Variants in DRC11 observed in about 807,000 individuals in gnomAD.
DRC11 encodes IQ and AAA domain-containing protein 1.
the DRC11 span, among the ~76,000 whole-genome samples, chr2:236,471,773 G>A: frequency 1.3e-5 from 2 of 152,130 alleles, no homozygotes; most frequent in Non-Finnish European, 2.9e-5. This position sits in a 1 kb window ranked among gnomAD's most constrained non-coding sequence, Gnocchi z 4.6. Flanking sequence ...GAAAACAGTC[G>A]GATTGGAATC....
At chr2:236,309,224 C>G in the DRC11 span, among the ~76,000 whole-genome samples, 1 of 152,184 alleles carries the variant, frequency 6.6e-6, no homozygotes, top group South Asian at 2.1e-4. The surrounding 1 kb of genome is among the most constrained non-coding windows in gnomAD (Gnocchi z 5.7). Flanking sequence ...TGTGCCCTGG[C>G]CCTGTCAGTC....
At chr2:236,356,998 ATT>A in the DRC11 span, among the ~76,000 whole-genome samples, 4 of 86,210 alleles carry the variant, frequency 4.6e-5, no homozygotes, top group East Asian at 8.8e-4. Flanking sequence ...ATATCTATAT[ATT>A]TATATATTCA....
chr2:236,432,635 G>T, the DRC11 span, among the ~76,000 whole-genome samples: 4 of 152,056 alleles, frequency 2.6e-5, no homozygotes, highest in Non-Finnish European at 5.9e-5. Context: ...AGCTGTAGGA[G>T]TTCCTTACAT....
chr2:236,502,548 CAAAAAAAA>C, the DRC11 span, among the ~76,000 whole-genome samples: 31 of 15,062 alleles, frequency 2.1e-3, no homozygotes, highest in African/African-American at 3.2e-3. Context: ...TGCACTCCAG[CAAAAAAAA>C]AAAAAAAAAA....
chr2:236,316,229 C>T, the DRC11 span, among the ~76,000 whole-genome samples: 2 of 151,856 alleles, frequency 1.3e-5, no homozygotes, highest in African/African-American at 4.8e-5. The surrounding 1 kb of genome is among the most constrained non-coding windows in gnomAD (Gnocchi z 6.8). Context: ...ATTGTGCGAT[C>T]TTGGCTCACT....
At chr2:236,375,792 G>A in the DRC11 span, among the ~76,000 whole-genome samples, 2 of 152,128 alleles carry the variant, frequency 1.3e-5, no homozygotes, top group African/African-American at 2.4e-5. This position sits in a 1 kb window ranked among gnomAD's most constrained non-coding sequence, Gnocchi z 4.2. Context: ...CACTGATAAC[G>A]CAATTTTAAA....
the DRC11 span, among the ~76,000 whole-genome samples, chr2:236,487,731 AT>A: frequency 1.3e-5 from 2 of 152,244 alleles, no homozygotes; most frequent in Middle Eastern, 3.2e-3. Flanking sequence ...TTTCAGCAAC[AT>A]TCATTTCAAC....
At chr2:236,485,772 A>G in the DRC11 span, among the ~76,000 whole-genome samples, 10 of 152,172 alleles carry the variant, frequency 6.6e-5, no homozygotes, top group African/African-American at 1.7e-4. Flanking sequence ...TTGCAGTTCA[A>G]TGAAAGAGAA....
the DRC11 span, among the ~76,000 whole-genome samples, chr2:236,505,809 T>G: frequency 6.6e-6 from 1 of 152,080 alleles, no homozygotes; most frequent in African/African-American, 2.4e-5. Context: ...CACTTCTCCC[T>G]CCTCCTCCTA....
chr2:236,436,979 T>G, the DRC11 span, among the ~76,000 whole-genome samples: 1 of 152,214 alleles, frequency 6.6e-6, no homozygotes, highest in Non-Finnish European at 1.5e-5. Context: ...TTAGGGGACA[T>G]GTGCACAATG....
the DRC11 span, among the ~76,000 whole-genome samples, chr2:236,479,834 T>C: frequency 6.6e-6 from 1 of 152,188 alleles, no homozygotes; most frequent in African/African-American, 2.4e-5. This position sits in a 1 kb window ranked among gnomAD's most constrained non-coding sequence, Gnocchi z 4.1. Flanking sequence ...GGCTTTTAGA[T>C]CTTTAAATGT....
chr2:236,431,711 G>C, the DRC11 span, among the ~76,000 whole-genome samples: 9 of 152,174 alleles, frequency 5.9e-5, no homozygotes, highest in Non-Finnish European at 1.2e-4. The surrounding 1 kb of genome is among the most constrained non-coding windows in gnomAD (Gnocchi z 4.2). Context: ...TAATGTTTCA[G>C]TATGGCATAA....
the DRC11 span, among the ~76,000 whole-genome samples, chr2:236,456,006 C>T: frequency 2.6e-5 from 4 of 152,024 alleles, no homozygotes; most frequent in East Asian, 3.9e-4. The surrounding 1 kb of genome is among the most constrained non-coding windows in gnomAD (Gnocchi z 5.4). Context: ...TTTTGTAGGT[C>T]GGCAATGCAG....
the DRC11 span, among the ~76,000 whole-genome samples, chr2:236,473,911 T>A: frequency 6.6e-6 from 1 of 152,172 alleles, no homozygotes; most frequent in Non-Finnish European, 1.5e-5. This position sits in a 1 kb window ranked among gnomAD's most constrained non-coding sequence, Gnocchi z 4.8. Flanking sequence ...GCCAAGCATC[T>A]CCTAAAGATA....
chr2:236,332,282 G>A, the DRC11 span: 5 of 152,220 alleles, frequency 3.3e-5, no homozygotes, highest in Non-Finnish European at 7.3e-5. The surrounding 1 kb of genome is among the most constrained non-coding windows in gnomAD (Gnocchi z 5.1). Flanking sequence ...CAGGGATGCT[G>A]TGAAAATGAA....
chr2:236,402,759 C>T, the DRC11 span, among the ~76,000 whole-genome samples: 1 of 152,186 alleles, frequency 6.6e-6, no homozygotes, highest in African/African-American at 2.4e-5. The surrounding 1 kb of genome is among the most constrained non-coding windows in gnomAD (Gnocchi z 6.0). Context: ...GTTAGCTACG[C>T]CCCATTCCTG....
the DRC11 span, among the ~76,000 whole-genome samples, chr2:236,473,333 C>A: frequency 6.6e-6 from 1 of 152,268 alleles, no homozygotes; most frequent in African/African-American, 2.4e-5. The surrounding 1 kb of genome is among the most constrained non-coding windows in gnomAD (Gnocchi z 4.8). Context: ...CGGGAGAGGG[C>A]CACGCTCATT....
the DRC11 span, among the ~76,000 whole-genome samples, chr2:236,502,139 A>G: frequency 6.6e-6 from 1 of 152,342 alleles, no homozygotes; most frequent in East Asian, 1.9e-4. Flanking sequence ...TTCAGTGGAG[A>G]AATGCTAGAA....
At chr2:236,442,253 A>G in the DRC11 span, among the ~76,000 whole-genome samples, 1 of 152,204 alleles carries the variant, frequency 6.6e-6, no homozygotes, top group Non-Finnish European at 1.5e-5. Context: ...TAGCGAGAAG[A>G]GTGTCACAGC....
Sources: gnomAD v4.1 joint callset for allele counts (sites outside exome capture counted in the v4.1 genomes callset) on GRCh38, gnomAD v4.1.1 for gene constraint, Gnocchi (gnomAD v3.1) non-coding constraint, MANE v1.5 for transcripts, NCBI Gene and HGNC (gene_info 2026-07-23, HGNC 2026-07-21) for gene names.